Variants in ROBO2 observed in about 807,000 individuals in gnomAD.
ROBO2 encodes the protein roundabout homolog 2.
In ROBO2, 53 loss-of-function variants were observed where a neutral mutation model predicts 160.8. That is an observed-to-expected ratio of 0.33 (90% CI 0.26 to 0.41). ROBO2 has a LOEUF of 0.41. Among genes scored for constraint, ROBO2 ranks in the 10% least tolerant of loss-of-function variants. The pLI is 1.00. For missense variants in ROBO2, 1,577 were observed against 1,722.4 expected, an observed-to-expected ratio of 0.92 and a Z score of 1.49; for synonymous variants, 664 against 611.7, an observed-to-expected ratio of 1.09 and a Z score of -1.26.
At chr3:77,260,126 A>C (rs977183768) in intron 2 of ROBO2, among the ~76,000 whole-genome samples, 1 of 152,152 alleles carries the variant, frequency 6.6e-6, no homozygotes, top group Non-Finnish European at 1.5e-5. Context: ...GTAATAAAAC[A>C]GGTGGTCATC....
chr3:76,705,316 A>T (rs761418902), intron 2 of ROBO2, among the ~76,000 whole-genome samples: 5 of 152,170 alleles, frequency 3.3e-5, no homozygotes, highest in Non-Finnish European at 5.9e-5. Flanking sequence ...CAATATAGCT[A>T]ATACAATTAA....
At chr3:76,816,730 A>G (rs2065698531) in intron 2 of ROBO2, among the ~76,000 whole-genome samples, 2 of 152,058 alleles carry the variant, frequency 1.3e-5, no homozygotes, top group Non-Finnish European at 2.9e-5. Context: ...TTATATACAC[A>G]AAGGATTATA....
chr3:76,361,586 AT>A (rs2075523939), intron 2 of ROBO2, among the ~76,000 whole-genome samples: 1 of 152,096 alleles, frequency 6.6e-6, no homozygotes, highest in African/African-American at 2.4e-5. Context: ...ACAAAAATTA[AT>A]AATTACTCAA....
At chr3:76,383,748 G>A (rs1384935030) in intron 2 of ROBO2, among the ~76,000 whole-genome samples, 1 of 151,950 alleles carries the variant, frequency 6.6e-6, no homozygotes, top group East Asian at 1.9e-4. Context: ...AAAAAACAAA[G>A]CATACCCAAT....
intron 2 of ROBO2, among the ~76,000 whole-genome samples, chr3:76,706,128 A>T (rs1181131180): frequency 6.6e-6 from 1 of 152,142 alleles, no homozygotes; most frequent in Non-Finnish European, 1.5e-5. Flanking sequence ...TGGCATTTTA[A>T]CTTGAAGTAT....
intron 2 of ROBO2, among the ~76,000 whole-genome samples, chr3:76,885,698 T>TA (rs2073807724): frequency 6.6e-6 from 1 of 152,204 alleles, no homozygotes; most frequent in Admixed American, 6.5e-5. Flanking sequence ...GGTTGGTACT[T>TA]ATGAACTATA....
chr3:76,663,023 G>T (rs1275189757), intron 2 of ROBO2, among the ~76,000 whole-genome samples: 1 of 152,156 alleles, frequency 6.6e-6, no homozygotes, highest in Non-Finnish European at 1.5e-5. Flanking sequence ...AGAGGAAGTG[G>T]ATCACAGAAA....
At chr3:76,443,494 G>A (rs559010333) in intron 2 of ROBO2, among the ~76,000 whole-genome samples, 13 of 152,104 alleles carry the variant, frequency 8.5e-5, no homozygotes, top group South Asian at 2.1e-4. Context: ...CTACTACCAC[G>A]ACTGCTATTA....
chr3:77,577,221 G>A (rs1365386093), intron 14 of ROBO2, among the ~76,000 whole-genome samples: 1 of 152,012 alleles, frequency 6.6e-6, no homozygotes, highest in African/African-American at 2.4e-5. Flanking sequence ...TTAGCTCTGT[G>A]CGGGGTGTAT....
chr3:76,115,039 T>G (rs1286653809), intron 2 of ROBO2, among the ~76,000 whole-genome samples: 2 of 152,136 alleles, frequency 1.3e-5, no homozygotes, highest in Non-Finnish European at 2.9e-5. Flanking sequence ...TTTAAACAAC[T>G]TTAAACAAGA....
chr3:76,107,548 C>T (rs1317287713), intron 2 of ROBO2, among the ~76,000 whole-genome samples: 1 of 151,998 alleles, frequency 6.6e-6, no homozygotes, highest in Non-Finnish European at 1.5e-5. Flanking sequence ...AATAATGTTA[C>T]ATTTGCATAG....
intron 2 of ROBO2, among the ~76,000 whole-genome samples, chr3:77,034,144 G>C (rs1309702134): frequency 6.6e-6 from 1 of 151,806 alleles, no homozygotes; most frequent in Admixed American, 6.6e-5. Context: ...CTGTTTAAGA[G>C]AGAGAGCAAT....
intron 2 of ROBO2, among the ~76,000 whole-genome samples, chr3:77,100,875 T>C (rs2071819605): frequency 6.6e-6 from 1 of 152,196 alleles, no homozygotes; most frequent in Non-Finnish European, 1.5e-5. Context: ...TACATTACTT[T>C]CACAGTGATT....
intron 2 of ROBO2, among the ~76,000 whole-genome samples, chr3:76,329,292 C>G (rs184809111): frequency 6.6e-6 from 1 of 152,284 alleles, no homozygotes; most frequent in East Asian, 1.9e-4. Context: ...GATCTTAGTT[C>G]ACTGCAACCT....
intron 2 of ROBO2, among the ~76,000 whole-genome samples, chr3:76,310,240 C>T (rs183101985): frequency 1.4e-4 from 22 of 152,268 alleles, no homozygotes; most frequent in African/African-American, 4.6e-4. Context: ...TAAACATAGT[C>T]GCAAAAGACA....
chr3:77,112,544 G>A (rs1279603032), intron 2 of ROBO2, among the ~76,000 whole-genome samples: 2 of 152,058 alleles, frequency 1.3e-5, no homozygotes, highest in East Asian at 2.0e-4. Context: ...GCGCCCTGCC[G>A]AGAAAGATCA....
rs143488210 is a variant in ROBO2, at chr3:76,296,305, C to T, written c.109+358703C>T. Among the ~76,000 whole-genome samples the T allele has an allele frequency of 3.4e-3, 520 of 152,318 alleles. 6 individuals carry two copies. The highest frequency in any genetic ancestry group is 0.025 in the Admixed American group (379 of 15,300). On this transcript the variant is annotated intron_variant, in intron 2 of 26. Coordinates refer to the ROBO2 transcript ENST00000487694. Reference sequence around the variant, plus strand: ...GGCACCTGGATTTCAGACCTCTGGCCTCCAGAACTGTGAAAGAATACATTT... The same window carrying T: ...GGCACCTGGATTTCAGACCTCTGGCTTCCAGAACTGTGAAAGAATACATTT...
At chr3:76,536,695 T>C (rs1387643787) in intron 2 of ROBO2, among the ~76,000 whole-genome samples, 2 of 152,070 alleles carry the variant, frequency 1.3e-5, no homozygotes, top group Non-Finnish European at 1.5e-5. Context: ...CAGTGTGAGA[T>C]TGGGCTAGGG....
Position 76,307,317 on chromosome 3 carries a change from C to T in ROBO2, c.109+369715C>T, listed in dbSNP as rs547651915. Among the ~76,000 whole-genome samples, 131 of 152,348 alleles carry T rather than the reference C, an allele frequency of 8.6e-4. 1 individual carries two copies. In the Middle Eastern group the frequency reaches 0.02, roughly 24 times the overall value. Reference sequence around the variant, plus strand: ...GCTGAACCAGCTCTTTCTCTTCTCTCTCACTGAACTTCACTTTAATATATA... The same window carrying T: ...GCTGAACCAGCTCTTTCTCTTCTCTTTCACTGAACTTCACTTTAATATATA... On this transcript the variant is annotated intron_variant, in intron 2 of 26. Transcript: ENST00000487694.
Sources: gnomAD v4.1 joint callset for allele counts (sites outside exome capture counted in the v4.1 genomes callset) on GRCh38, gnomAD v4.1.1 for gene constraint, MANE v1.5 for transcripts, NCBI Gene and HGNC (gene_info 2026-07-23, HGNC 2026-07-21) for gene names.